The following FRK variants were observed in gnomAD, a reference collection of about 807,000 sequenced individuals.
FRK encodes the protein tyrosine-protein kinase FRK.
In FRK, 51 loss-of-function variants were observed where a neutral mutation model predicts 56.4. The ratio of observed to expected loss-of-function variants is 0.90; its 90% CI spans 0.72 to 1.14. The LOEUF is 1.14. Ranked by LOEUF, FRK falls within the 50% of genes most tolerant of loss-of-function variation. The probability of loss-of-function intolerance (pLI) is 0.00; values close to 1 mark genes in which losing one functional copy is unlikely to be tolerated. For missense variants in FRK, 570 were observed against 601.4 expected, an observed-to-expected ratio of 0.95 and a Z score of 0.55; for synonymous variants, 245 against 217.9, an observed-to-expected ratio of 1.12 and a Z score of -1.10.
intron 5 of FRK, among the ~76,000 whole-genome samples, chr6:115,948,036 A>G (rs1035016932): frequency 1.3e-5 from 2 of 152,146 alleles, no homozygotes; most frequent in Non-Finnish European, 2.9e-5. Context: ...ATGTTTAACA[A>G]CAGAATATGG....
At chr6:116,098,230 G>C in the FRK span, among the ~76,000 whole-genome samples, 1 of 145,172 alleles carries the variant, frequency 6.9e-6, no homozygotes, top group African/African-American at 2.5e-5. Flanking sequence ...TCCCACCCCA[G>C]CCCCTACAAC....
chr6:115,993,232 G>A (rs1196872972), intron 2 of FRK, among the ~76,000 whole-genome samples: 1 of 151,794 alleles, frequency 6.6e-6, no homozygotes, highest in East Asian at 1.9e-4. Context: ...TTAGGTGGAA[G>A]TATGCAGTTA....
chr6:116,004,300 C>T (rs1329648731), intron 1 of FRK, among the ~76,000 whole-genome samples: 1 of 152,140 alleles, frequency 6.6e-6, no homozygotes, highest in Non-Finnish European at 1.5e-5. Context: ...AAAGCCAAAG[C>T]CCCAGTGTCT....
chr6:116,099,421 A>G, the FRK span, among the ~76,000 whole-genome samples: 1 of 152,200 alleles, frequency 6.6e-6, no homozygotes, highest in Non-Finnish European at 1.5e-5. Flanking sequence ...GTAGCATTCT[A>G]TTGCAAGGTG....
At chr6:115,953,356 A>AT (rs1193283271) in intron 5 of FRK, among the ~76,000 whole-genome samples, 3 of 150,294 alleles carry the variant, frequency 2.0e-5, no homozygotes, top group Non-Finnish European at 1.5e-5. Context: ...CGCCCGGCTA[A>AT]TTTTTTGTAT....
intron 1 of FRK, among the ~76,000 whole-genome samples, chr6:116,050,546 C>T (rs1036996262): frequency 2.6e-5 from 4 of 152,160 alleles, no homozygotes; most frequent in South Asian, 2.1e-4. Context: ...CTTACTGAAG[C>T]GCTCTACTCT....
chr6:116,089,719 C>T, the FRK span, among the ~76,000 whole-genome samples: 16 of 152,140 alleles, frequency 1.1e-4, no homozygotes, highest in South Asian at 2.1e-4. Flanking sequence ...TGGATCTGGG[C>T]CCACCTTAAA....
Position 115,981,281 on chromosome 6 carries a change from G to C in FRK, c.467-12542C>G, listed in dbSNP as rs140347407. Among the ~76,000 whole-genome samples the C allele has an allele frequency of 5.7e-4, 86 of 152,080 alleles. 1 individual carries two copies. The East Asian group carries it at 0.015, about 26-fold the overall frequency. ...AAAAGAAATGGAGAAAAGAGAATATGATATGTGAACTATCAGAAATTTTAA... is the reference window on the plus strand; with the variant it reads ...AAAAGAAATGGAGAAAAGAGAATATCATATGTGAACTATCAGAAATTTTAA... On this transcript the variant is annotated intron_variant, in intron 2 of 7. Coordinates refer to ENST00000606080, the MANE Select transcript of FRK (RefSeq NM_002031.3).
chr6:115,999,373 A>G (rs1399008763), intron 2 of FRK, among the ~76,000 whole-genome samples: 1 of 152,212 alleles, frequency 6.6e-6, no homozygotes, highest in African/African-American at 2.4e-5. Flanking sequence ...CCATTATGAG[A>G]GGTGTCGTGG....
At chr6:115,967,217 T>A (rs993255171) in intron 4 of FRK, among the ~76,000 whole-genome samples, 2 of 152,198 alleles carry the variant, frequency 1.3e-5, no homozygotes, top group Middle Eastern at 3.2e-3. Context: ...TCTGATTTTT[T>A]AAATATTTTC....
intron 6 of FRK, 57 bp downstream of exon 6, chr6:115,944,187 C>G: frequency 7.2e-7 from 1 of 1,387,508 alleles, no homozygotes; most frequent in Non-Finnish European, 1.0e-6. Context: ...TATTGGTCTA[C>G]TAACTGTTAG....
In FRK at chr6:115,939,328, G is replaced by A. The variant is rs191833124; in HGVS notation, c.*3086C>T. 1.5e-4 allele frequency: 23 copies of A among 152,106 alleles called. No individual in the cohort carries two copies. The highest frequency in any genetic ancestry group is 2.2e-4 in the Non-Finnish European group (15 of 67,990). 9.4% of individuals were successfully genotyped at this position (152,106 alleles called of 1,614,324 possible). A position where few individuals can be genotyped will look rare whatever the true frequency, so the allele number is the denominator to read the frequency against. On this transcript the variant is annotated 3_prime_UTR_variant, in exon 8 of 8. Transcript: ENST00000606080. ...TCAATAAACTAGGTATTGATGGAAC[G>A]TAGCTCAAAAAAAATGACAGATTTA...
chr6:115,938,525 A>G lies in FRK; in HGVS notation c.*3889T>C, dbSNP rs915684036. 3 of 152,358 alleles carry G rather than the reference A, an allele frequency of 2.0e-5. No individual in the cohort carries two copies. Among genetic ancestry groups the G allele is most frequent in the Non-Finnish European group, 1.5e-5 (1 of 68,042 alleles). The allele number at this position is 152,358 out of a possible 1,614,324, so 9.4% of individuals were successfully genotyped here. ...ACATGAAAAACCTTTCAAAAAATCA[A>G]TGAATCCAGGATCTGATTTTTTGAA... On this transcript the variant is annotated 3_prime_UTR_variant, in exon 8 of 8. Coordinates refer to ENST00000606080, the MANE Select transcript of FRK (RefSeq NM_002031.3).
intron 1 of FRK, among the ~76,000 whole-genome samples, chr6:116,037,699 A>C (rs1776541387): frequency 6.6e-6 from 1 of 151,986 alleles, no homozygotes; most frequent in South Asian, 2.1e-4. Context: ...ACATTAGCTT[A>C]TTTCTTTTAT....
intron 1 of FRK, among the ~76,000 whole-genome samples, chr6:116,024,895 G>T (rs567267059): frequency 8.5e-4 from 129 of 152,190 alleles, no homozygotes; most frequent in African/African-American, 2.9e-3. Context: ...GTATAAAAGT[G>T]TTCCTATTTC....
intron 1 of FRK, among the ~76,000 whole-genome samples, chr6:116,057,361 T>C (rs1777440688): frequency 6.6e-6 from 1 of 152,194 alleles, no homozygotes; most frequent in Non-Finnish European, 1.5e-5. Context: ...ATTCTTCAAG[T>C]GTTAAAGTAC....
At chr6:116,052,317 C>T (rs1225095518) in intron 1 of FRK, among the ~76,000 whole-genome samples, 1 of 151,626 alleles carries the variant, frequency 6.6e-6, no homozygotes, top group African/African-American at 2.4e-5. Flanking sequence ...ATAGCTTATG[C>T]CTTTAATGTA....
intron 1 of FRK, among the ~76,000 whole-genome samples, chr6:116,058,684 G>T (rs1245745807): frequency 6.6e-6 from 1 of 152,136 alleles, no homozygotes; most frequent in African/African-American, 2.4e-5. Context: ...GCCGAGGCGG[G>T]CGGATCACGA....
the FRK span, among the ~76,000 whole-genome samples, chr6:116,100,174 A>C: frequency 6.6e-6 from 1 of 152,250 alleles, no homozygotes; most frequent in Non-Finnish European, 1.5e-5. Context: ...ATTCATTACA[A>C]TAACAAAATA....
Sources: gnomAD v4.1 joint callset for allele counts (sites outside exome capture counted in the v4.1 genomes callset) on GRCh38, gnomAD v4.1.1 for gene constraint, MANE v1.5 for transcripts, NCBI Gene and HGNC (gene_info 2026-07-23, HGNC 2026-07-21) for gene names.